KMT2A: variants seen among roughly 807,000 people sequenced by gnomAD.
The protein encoded by KMT2A is lysine methyltransferase 2A.
Under a neutral mutation model 345.3 loss-of-function variants are expected in KMT2A, and 16 were observed. The observed-to-expected ratio is 0.05, with a 90% CI of 0.03 to 0.07. The LOEUF (loss-of-function observed/expected upper bound fraction) is 0.07, where lower values mean the gene tolerates loss of function less well. Among genes scored for constraint, KMT2A ranks in the 10% least tolerant of loss-of-function variants. KMT2A has a pLI of 1.00. For missense variants in KMT2A, 3,272 were observed against 4,841.6 expected, an observed-to-expected ratio of 0.68 and a Z score of 9.62; for synonymous variants, 1,599 against 1,778.6, an observed-to-expected ratio of 0.90 and a Z score of 2.54.
chr11:118,507,325 A>C lies in KMT2A; in HGVS notation c.10755-204A>C, dbSNP rs782768622. Among the ~76,000 whole-genome samples, 3 of 152,170 alleles carry C rather than the reference A, an allele frequency of 2.0e-5. No homozygotes were observed. In the South Asian group the frequency reaches 6.2e-4, roughly 32 times the overall value. ...TCGGATCAAGATACAGAACATTTCT[A>C]GCAACCCACAAGGGTGTCTTCTCTT... On this transcript the variant is annotated intron_variant, in intron 27 of 35. Coordinates refer to ENST00000534358, the MANE Select transcript of KMT2A (RefSeq NM_001197104.2).
chr11:118,516,942 G>A (rs1555051701), intron 31 of KMT2A, among the ~76,000 whole-genome samples: 1 of 152,114 alleles, frequency 6.6e-6, no homozygotes, highest in Non-Finnish European at 1.5e-5. Context: ...TCTGGTGAGT[G>A]AGAGTTGAAC....
At position 118,494,940 on chromosome 11, in the gene KMT2A, CT is replaced by C. The variant is rs1950381978; in HGVS notation, c.5363+178del. Among the ~76,000 whole-genome samples, 12 of 152,054 alleles carry C rather than the reference CT, an allele frequency of 7.9e-5. No homozygotes were observed. The South Asian group carries it at 2.1e-3, about 26-fold the overall frequency. On this transcript the variant is annotated intron_variant, in intron 18 of 35. Transcript: ENST00000534358. The surrounding 1 kb of genome is among the most constrained non-coding windows in gnomAD (Gnocchi z 5.8). ...TTTAATGTTTGTTATAAGCAATTGC[CT>C]TTTTGTTCTTTACTTTTATATTTGT...
chr11:118,444,174 G>A (rs1555026579), intron 1 of KMT2A, among the ~76,000 whole-genome samples: 3 of 152,164 alleles, frequency 2.0e-5, no homozygotes, highest in Admixed American at 1.3e-4. Context: ...CTAGGGAAAA[G>A]TTAATTCTTA....
intron 1 of KMT2A, among the ~76,000 whole-genome samples, chr11:118,452,511 G>A (rs982465091): frequency 4.6e-5 from 7 of 152,048 alleles, no homozygotes; most frequent in Admixed American, 1.3e-4. Flanking sequence ...CAGCCTGGGC[G>A]ACAGAATAAG....
Position 118,509,164 on chromosome 11 carries a change from G to A in KMT2A, c.10864G>A (p.Val3622Met), listed in dbSNP as rs139119128. The change falls in exon 29 of 36, where the codon GTG becomes ATG. Residue 3622 changes from valine to methionine, a missense_variant. Coordinates refer to ENST00000534358, the MANE Select transcript of KMT2A (RefSeq NM_001197104.2). Reference protein sequence around the residue: ...GQVAVLPEVQVTQNPANEQES... With the variant: ...GQVAVLPEVQMTQNPANEQES... The stretch of plus-strand genomic sequence containing the variant: ...AGTCGCTGTTCTTCCGGAAGTTCAG[G>A]TGACCCAAAATCCAGCAAATGAACA... 6.2e-7 allele frequency: 1 copy of A among 1,613,852 alleles called. No individual in the cohort carries two copies. The highest frequency in any genetic ancestry group is 8.5e-7 in the Non-Finnish European group (1 of 1,179,860).
chr11:118,488,051 G>A (rs763685802), intron 10 of KMT2A, among the ~76,000 whole-genome samples: 13 of 152,008 alleles, frequency 8.6e-5, no homozygotes, highest in Non-Finnish European at 1.3e-4. Context: ...GTGGTGGCAC[G>A]CGCCTGTGAT....
In KMT2A at chr11:118,524,401, T is replaced by G. The variant is rs1951037334; in HGVS notation, c.*2229T>G. ...ACTCATGGCTCTGCTGTGCCTTCCA[T>G]CCTGGGCTCCCTTCTCTCCTGTGAC... is the stretch of plus-strand genomic sequence containing the variant. On this transcript the variant is annotated 3_prime_UTR_variant, in exon 36 of 36. Transcript: ENST00000534358. The G allele has an allele frequency of 5.2e-6, 1 of 192,206 alleles. No homozygotes were observed. Among genetic ancestry groups the G allele is most frequent in the Non-Finnish European group, 1.1e-5 (1 of 91,600 alleles). The allele number at this position is 192,206 out of a possible 1,614,324, so 11.9% of individuals were successfully genotyped here. A position where few individuals can be genotyped will look rare whatever the true frequency, so the allele number is the denominator to read the frequency against.
rs1950396565 is a variant in KMT2A at position 118,495,607 on chromosome 11, A to G, written c.5364-93A>G. ...CTTATATTCTGTGAATGGCTCCTAC[A>G]TGGGGCAACAGGTGATATCAAGAAT... On this transcript the variant is annotated intron_variant, in intron 18 of 35. Coordinates refer to ENST00000534358, the MANE Select transcript of KMT2A (RefSeq NM_001197104.2). This position sits in a 1 kb window ranked among gnomAD's most constrained non-coding sequence, Gnocchi z 4.1. 5.3e-6 allele frequency: 5 copies of G among 948,216 alleles called. No homozygotes were observed. Among genetic ancestry groups the G allele is most frequent in the South Asian group, 2.2e-5 (1 of 45,714 alleles). The allele number at this position is 948,216 out of a possible 1,614,324, so 58.7% of individuals were successfully genotyped here. A position where few individuals can be genotyped will look rare whatever the true frequency, so the allele number is the denominator to read the frequency against.
intron 12 of KMT2A, 102 bp downstream of exon 12, chr11:118,489,989 A>G (rs1471282708): frequency 7.0e-7 from 1 of 1,424,224 alleles, no homozygotes; most frequent in East Asian, 2.3e-5. Context: ...TGTCAGTATG[A>G]CAATCTTTTT....
Position 118,491,965 on chromosome 11 carries a change from T to G in KMT2A, c.5004+37T>G. ...CTCATTTTTTTCTGAGAGCTTGTTC[T>G]TAGGTAGTCTTTACCTAGTGTTTTT... On this transcript the variant is annotated intron_variant, in intron 15 of 35. Coordinates refer to ENST00000534358, the MANE Select transcript of KMT2A (RefSeq NM_001197104.2). This position sits in a 1 kb window ranked among gnomAD's most constrained non-coding sequence, Gnocchi z 4.2. 1 of 1,460,424 alleles carries G rather than the reference T, an allele frequency of 6.8e-7. No individual in the cohort carries two copies. The allele number at this position is 1,460,424 out of a possible 1,614,324, so 90.5% of individuals were successfully genotyped here. A position where few individuals can be genotyped will look rare whatever the true frequency, so the allele number is the denominator to read the frequency against.
intron 31 of KMT2A, among the ~76,000 whole-genome samples, chr11:118,516,641 G>T (rs1279679851): frequency 6.6e-6 from 1 of 152,080 alleles, no homozygotes; most frequent in East Asian, 1.9e-4. Flanking sequence ...AGTTCCTAAG[G>T]TCCTGTCTGG....
At chr11:118,482,643 C>T (rs2134304294) in intron 8 of KMT2A, 148 bp downstream of exon 8, 2 of 572,838 alleles carry the variant, frequency 3.5e-6, no homozygotes, top group Non-Finnish European at 3.0e-6. Flanking sequence ...GGCACGGTGG[C>T]TCACGCTGGT....
chr11:118,463,368 A>C (rs1435043876), intron 1 of KMT2A, among the ~76,000 whole-genome samples: 1 of 152,222 alleles, frequency 6.6e-6, no homozygotes, highest in Non-Finnish European at 1.5e-5. Context: ...TGGAACATAA[A>C]ATGCGTGTAT....
chr11:118,467,630 G>A (rs1477992870), intron 1 of KMT2A, among the ~76,000 whole-genome samples: 2 of 152,142 alleles, frequency 1.3e-5, no homozygotes, highest in African/African-American at 4.8e-5. Flanking sequence ...TTTTAATATA[G>A]TCATGGCTGA....
At chr11:118,519,548 ATT>A in intron 31 of KMT2A, 68 bp from the exon 32 acceptor site, 1 of 1,413,190 alleles carries the variant, frequency 7.1e-7, no homozygotes, top group Non-Finnish European at 9.9e-7. Flanking sequence ...TAGCATAGGC[ATT>A]TCTGTAGGAC....
rs1555048873 is a variant in KMT2A at position 118,507,546 on chromosome 11, C to T, written c.10772C>T (p.Ala3591Val). The change falls in exon 28 of 36, where the codon GCT (alanine) becomes GTT (valine). Residue 3591 changes from alanine to valine, a missense_variant. Physicochemically the swap from Ala to Val is moderately conservative, Grantham distance 64. Coordinates refer to ENST00000534358, the MANE Select transcript of KMT2A (RefSeq NM_001197104.2). ...TGTTCCAGGACTCCAGGAGCAGAGG[C>T]TGAGCAGCAGGATACAGCTAGCGTG... ...TSGTGTPGAEAEQQDTASVEQ... is the reference protein window; with the variant it reads ...TSGTGTPGAEVEQQDTASVEQ... 6.2e-7 allele frequency: 1 copy of T among 1,614,134 alleles called. No homozygotes were observed. The highest frequency in any genetic ancestry group is 1.1e-5 in the South Asian group (1 of 91,076).
chr11:118,478,761 A>AT (rs1201793772), intron 5 of KMT2A, among the ~76,000 whole-genome samples: 108 of 148,644 alleles, frequency 7.3e-4, no homozygotes, highest in African/African-American at 9.8e-4. Flanking sequence ...TGCATATGGA[A>AT]TTTTTTTTTT....
At position 118,505,139 on chromosome 11, in the gene KMT2A, G is replaced by C; in HGVS notation, c.9247G>C (p.Val3083Leu). Reference sequence around the variant, plus strand: ...GAAGCCAGCCACTGAGAAACTCATAGTTGTTAACCAGAACATGCAGCCACT... The same window carrying C: ...GAAGCCAGCCACTGAGAAACTCATACTTGTTAACCAGAACATGCAGCCACT... ...HLKPATEKLI[V>L]VNQNMQPLYV... is the part of the protein sequence containing the mutation. Residue 3083 changes from valine (V) to leucine (L), a missense_variant, in exon 27 of 36, where the codon GTT becomes CTT. Coordinates refer to ENST00000534358, the MANE Select transcript of KMT2A (RefSeq NM_001197104.2). The surrounding 1 kb of genome is among the most constrained non-coding windows in gnomAD (Gnocchi z 4.6). 6.2e-7 allele frequency: 1 copy of C among 1,614,124 alleles called. No individual in the cohort carries two copies. Among genetic ancestry groups the C allele is most frequent in the Non-Finnish European group, 8.5e-7 (1 of 1,180,022 alleles).
chr11:118,516,346 C>G (rs1237204514), intron 31 of KMT2A, among the ~76,000 whole-genome samples: 1 of 151,994 alleles, frequency 6.6e-6, no homozygotes, highest in African/African-American at 2.4e-5. Context: ...ATACATAAAG[C>G]GAAAGTCCTC....
Sources: gnomAD v4.1 joint callset for allele counts (sites outside exome capture counted in the v4.1 genomes callset) on GRCh38, gnomAD v4.1.1 for gene constraint, Gnocchi (gnomAD v3.1) non-coding constraint, MANE v1.5 for transcripts, NCBI Gene and HGNC (gene_info 2026-07-23, HGNC 2026-07-21) for gene names.